Variants in VPS13A observed in about 807,000 individuals in gnomAD.
VPS13A encodes the protein intermembrane lipid transfer protein VPS13A.
Under a neutral mutation model 390.9 loss-of-function variants are expected in VPS13A, and 264 were observed. The ratio of observed to expected loss-of-function variants is 0.68; its 90% CI spans 0.61 to 0.75. The LOEUF is 0.75. Among genes scored for constraint, VPS13A ranks in the 30% least tolerant of loss-of-function variants. The probability of loss-of-function intolerance (pLI) is 0.00; values close to 1 mark genes in which losing one functional copy is unlikely to be tolerated. For synonymous variants in VPS13A, 1,231 were observed against 1,227.1 expected, an observed-to-expected ratio of 1.00 and a Z score of -0.07; for missense variants, 3,409 against 3,733.9, an observed-to-expected ratio of 0.91 and a Z score of 2.27.
chr9:77,196,521 T>G (rs980908396), intron 1 of VPS13A, among the ~76,000 whole-genome samples: 8 of 152,186 alleles, frequency 5.3e-5, no homozygotes, highest in Non-Finnish European at 7.3e-5. Flanking sequence ...ACCACTATTC[T>G]ATACACTACT....
At position 77,353,423 on chromosome 9, in the gene VPS13A, T is replaced by A. The variant is rs1399985267; in HGVS notation, c.7434T>A (p.Pro2478=). 1.2e-5 allele frequency: 19 copies of A among 1,599,302 alleles called. No individual in the cohort carries two copies. Among genetic ancestry groups the A allele is most frequent in the Non-Finnish European group, 1.6e-5 (19 of 1,168,216 alleles). ...EVTQKDDMMM[P]IDLGEKTIYL... is the part of the protein sequence containing the mutation. ...TTTTATTCTAGGATATGATGATGCC[T>A]ATAGATTTGGGGGAAAAGACAATAT... The change falls in exon 54 of 72, where the codon CCT becomes CCA. Residue 2478 remains proline, a synonymous_variant. Transcript: ENST00000360280.
chr9:77,207,213 TTATATATATATATATATATA>T (rs61703004), intron 5 of VPS13A, among the ~76,000 whole-genome samples: 43 of 43,128 alleles, frequency 1.0e-3, no homozygotes, highest in African/African-American at 2.2e-3. Context: ...TATTTAGATA[TTATATATATATATATATATA>T]TATATATATA....
chr9:77,329,384 A>T (rs1830170267), intron 45 of VPS13A, among the ~76,000 whole-genome samples: 1 of 152,112 alleles, frequency 6.6e-6, no homozygotes, highest in Admixed American at 6.5e-5. Context: ...AACATTAATC[A>T]TTTCTAGCTT....
At chr9:77,384,631 GTGATGATGA>G (rs113052866) in intron 68 of VPS13A, 126 of 1,606,110 alleles carry the variant, frequency 7.8e-5, no homozygotes, top group Middle Eastern at 1.7e-4. Context: ...AGTAGCAGTA[GTGATGATGA>G]TGATGATGAT....
intron 33 of VPS13A, 79 bp from the exon 34 acceptor site, chr9:77,302,836 G>A: frequency 1.4e-6 from 2 of 1,417,932 alleles, no homozygotes; most frequent in South Asian, 1.2e-5. Context: ...GCATATAAAA[G>A]GATAAATTTA....
At chr9:77,260,252 G>T (rs1487742749) in intron 23 of VPS13A, 28 bp downstream of exon 23, 1 of 1,597,368 alleles carries the variant, frequency 6.3e-7, no homozygotes, top group Non-Finnish European at 8.6e-7. Flanking sequence ...ATTAATATAA[G>T]CATGAATTAA....
intron 1 of VPS13A, among the ~76,000 whole-genome samples, chr9:77,179,525 G>C (rs1287979408): frequency 6.6e-6 from 1 of 152,100 alleles, no homozygotes; most frequent in South Asian, 2.1e-4. Flanking sequence ...CACTGCGCCC[G>C]CCTGACTGTA....
chr9:77,218,984 A>G (rs1487763601), intron 10 of VPS13A, among the ~76,000 whole-genome samples: 1 of 152,128 alleles, frequency 6.6e-6, no homozygotes, highest in Non-Finnish European at 1.5e-5. Flanking sequence ...TGACGAAGTG[A>G]GAAGTTAAGG....
intron 1 of VPS13A, among the ~76,000 whole-genome samples, chr9:77,185,435 C>T (rs933477325): frequency 5.3e-5 from 8 of 152,020 alleles, no homozygotes; most frequent in Non-Finnish European, 7.4e-5. Context: ...CTACTGCGCC[C>T]GGCTCGATAT....
At position 77,220,026 on chromosome 9, in the gene VPS13A, A is replaced by T; in HGVS notation, c.827A>T (p.Lys276Ile). The T allele has an allele frequency of 6.2e-7, 1 of 1,613,342 alleles. No individual in the cohort carries two copies. The highest frequency in any genetic ancestry group is 8.5e-7 in the Non-Finnish European group (1 of 1,179,488). ...RRSDFDFSAPKINLEIELHNI... is the reference protein window; with the variant it reads ...RRSDFDFSAPIINLEIELHNI... ...TCTGATTTTGACTTTTCTGCCCCCA[A>T]AATAAACTTGGAAATTGAGTTACAT... The change falls in exon 11 of 72, where the codon AAA becomes ATA. Residue 276 changes from lysine to isoleucine, a missense_variant. Lys to Ile is a moderately radical substitution (Grantham distance 102). Coordinates refer to ENST00000360280, the MANE Select transcript of VPS13A (RefSeq NM_033305.3).
chr9:77,397,787 C>G (rs1050907192), intron 68 of VPS13A, among the ~76,000 whole-genome samples: 2 of 152,052 alleles, frequency 1.3e-5, no homozygotes, highest in African/African-American at 2.4e-5. Flanking sequence ...TAATTATTAC[C>G]TATAGATTCT....
chr9:77,217,461 C>G (rs955266552), intron 10 of VPS13A, among the ~76,000 whole-genome samples: 1 of 152,124 alleles, frequency 6.6e-6, no homozygotes, highest in African/African-American at 2.4e-5. Context: ...CACCCCTCTC[C>G]CATTTCTCTA....
At chr9:77,193,333 TG>T (rs528176862) in intron 1 of VPS13A, among the ~76,000 whole-genome samples, 2 of 152,198 alleles carry the variant, frequency 1.3e-5, no homozygotes, top group South Asian at 4.1e-4. Flanking sequence ...CATTTCAGTG[TG>T]ATTAAGAACC....
intron 45 of VPS13A, among the ~76,000 whole-genome samples, chr9:77,327,415 T>C (rs1830068262): frequency 6.6e-6 from 1 of 152,166 alleles, no homozygotes. Context: ...TTTCTGTTGC[T>C]TCAAATGTAT....
At chr9:77,282,392 G>A in intron 29 of VPS13A, 118 bp downstream of exon 29, 1 of 940,376 alleles carries the variant, frequency 1.1e-6, no homozygotes, top group Non-Finnish European at 1.6e-6. Context: ...CTGTTGCCTA[G>A]GTTAATATCT....
intron 19 of VPS13A, among the ~76,000 whole-genome samples, chr9:77,246,591 C>G (rs1307225366): frequency 6.6e-6 from 1 of 151,854 alleles, no homozygotes; most frequent in Non-Finnish European, 1.5e-5. Flanking sequence ...ATAATTTTTT[C>G]TTTAAGAAAG....
chr9:77,206,354 CACAT>C (rs1182868265), intron 5 of VPS13A, among the ~76,000 whole-genome samples: 1 of 147,506 alleles, frequency 6.8e-6, no homozygotes, highest in Non-Finnish European at 1.5e-5. Context: ...TACACACACA[CACAT>C]ATACATACTA....
At chr9:77,324,571 C>A (rs555568705) in intron 45 of VPS13A, among the ~76,000 whole-genome samples, 14 of 152,316 alleles carry the variant, frequency 9.2e-5, no homozygotes, top group Middle Eastern at 3.4e-3. Flanking sequence ...ATCAACCTTG[C>A]ATTCCTAGGA....
At chr9:77,241,551 A>G (rs74869760) in intron 19 of VPS13A, among the ~76,000 whole-genome samples, 3,497 of 146,494 alleles carry the variant, frequency 0.024, 114 homozygotes, top group East Asian at 0.12. Context: ...TGTTTTTCCT[A>G]TCTTCTGTCT....
Sources: allele counts gnomAD v4.1 joint callset (sites outside exome capture counted in the v4.1 genomes callset), GRCh38; gene constraint gnomAD v4.1.1; transcripts MANE v1.5; gene names NCBI Gene and HGNC (gene_info 2026-07-23, HGNC 2026-07-21).